PRRT1: variants seen among roughly 807,000 people sequenced by gnomAD.
The protein encoded by PRRT1 is proline rich transmembrane protein 1.
In PRRT1, 8 loss-of-function variants were observed where a neutral mutation model predicts 22.6. That is an observed-to-expected ratio of 0.35 (90% confidence interval 0.21 to 0.64). The LOEUF is 0.64. Ranked by LOEUF, PRRT1 falls within the 30% of genes least tolerant of loss-of-function variation. The pLI is 0.69. For synonymous variants in PRRT1, 176 were observed against 203.6 expected, an observed-to-expected ratio of 0.86 and a Z score of 1.15; for missense variants, 315 against 444.5, an observed-to-expected ratio of 0.71 and a Z score of 2.62.
upstream of PRRT1, among the ~76,000 whole-genome samples, chr6:32,152,355 C>T (rs1191426954): frequency 6.6e-6 from 1 of 152,120 alleles, no homozygotes; most frequent in Non-Finnish European, 1.5e-5. Context: ...AAATCCTTGG[C>T]CCCAGTTTCC....
chr6:32,151,110 T>A, intron 1 of PRRT1: 4 of 703,576 alleles, frequency 5.7e-6, no homozygotes. Context: ...CCTTCTTCCT[T>A]CCAATCTAGT....
In PRRT1 at chr6:32,150,961, TGAG is replaced by T; in HGVS notation, c.20-58_20-56del. ...GAGGAAAGATGACACAGTGATGAGTTGAGGAGGGGGTAAGGGGAAACACAGCCG... is the reference window on the plus strand; with the variant it reads ...GAGGAAAGATGACACAGTGATGAGTTGAGGGGGTAAGGGGAAACACAGCCG... On this transcript the variant is annotated intron_variant, in intron 1 of 3. Transcript: ENST00000211413. This position sits in a 1 kb window ranked among gnomAD's most constrained non-coding sequence, Gnocchi z 7.2. The T allele has an allele frequency of 1.4e-6, 2 of 1,412,084 alleles. No homozygotes were observed. Among genetic ancestry groups the T allele is most frequent in the Admixed American group, 2.0e-5 (1 of 50,740 alleles). 87.5% of individuals were successfully genotyped at this position (1,412,084 alleles called of 1,614,324 possible).
chr6:32,150,781 G>A lies in PRRT1; in HGVS notation c.145C>T (p.His49Tyr). 6.4e-7 allele frequency: 1 copy of A among 1,562,270 alleles called. No homozygotes were observed. Among genetic ancestry groups the A allele is most frequent in the Non-Finnish European group, 8.7e-7 (1 of 1,154,132 alleles). The change falls in exon 2 of 4, where the codon CAT becomes TAT. Residue 49 changes from histidine (H) to tyrosine (Y), a missense_variant. His to Tyr is a moderately conservative substitution (Grantham distance 83). Around this residue, in one of 4 missense-constraint regions of PRRT1, gnomAD observed 263 missense variants for 328.5 expected, o/e 0.80. Coordinates refer to ENST00000211413, the MANE Select transcript of PRRT1 (RefSeq NM_030651.4). This position sits in a 1 kb window ranked among gnomAD's most constrained non-coding sequence, Gnocchi z 7.2. ...SSHHHHHHHY[H>Y]QSGTATLPRL... is the part of the protein sequence containing the mutation. ...GGGAGGGTGGCGGTGCCAGACTGAT[G>A]GTAGTGGTGGTGGTGGTGATGGTGT... is the stretch of plus-strand genomic sequence containing the variant.
At position 32,150,286 on chromosome 6, in the gene PRRT1, T is replaced by A. The variant is rs185316318; in HGVS notation, c.558+82A>T. Reference sequence around the variant, plus strand: ...GTTCCCTGCCCTTGTTCCTCTATCCTACCAGCCCCCAGCGTATCCCCAATT... The same window carrying A: ...GTTCCCTGCCCTTGTTCCTCTATCCAACCAGCCCCCAGCGTATCCCCAATT... On this transcript the variant is annotated intron_variant, in intron 2 of 3. Transcript: ENST00000211413. This position sits in a 1 kb window ranked among gnomAD's most constrained non-coding sequence, Gnocchi z 7.2. 2.0e-4 allele frequency: 298 copies of A among 1,480,302 alleles called. 3 individuals carry two copies. In the Admixed American group the frequency reaches 7.7e-3, roughly 38 times the overall value. The allele number at this position is 1,480,302 out of a possible 1,614,324, so 91.7% of individuals were successfully genotyped here. A position where few individuals can be genotyped will look rare whatever the true frequency, so the allele number is the denominator to read the frequency against.
At position 32,150,729 on chromosome 6, in the gene PRRT1, G is replaced by A. The variant is rs1011889307; in HGVS notation, c.197C>T (p.Ser66Phe). 1 of 1,492,698 alleles carries A rather than the reference G, an allele frequency of 6.7e-7. No homozygotes were observed. Among genetic ancestry groups the A allele is most frequent in the African/African-American group, 1.4e-5 (1 of 72,122 alleles). The allele number at this position is 1,492,698 out of a possible 1,614,324, so 92.5% of individuals were successfully genotyped here. The change falls in exon 2 of 4, where the codon TCT (serine) becomes TTT (phenylalanine). Residue 66 changes from serine (S) to phenylalanine (F), a missense_variant. By Grantham distance (155) the Ser-to-Phe change is radical. This residue lies in a region of PRRT1 where 263 missense variants were observed against 328.5 expected (regional missense o/e 0.80). Coordinates refer to ENST00000211413, the MANE Select transcript of PRRT1 (RefSeq NM_030651.4). This position sits in a 1 kb window ranked among gnomAD's most constrained non-coding sequence, Gnocchi z 7.2. ...LPRLGAGGLA[S>F]SAATAQRGPS... is the part of the protein sequence containing the mutation. ...ACCGCGCTGAGCGGTGGCCGCGGAA[G>A]AGGCCAGGCCCCCTGCCCCTAAGCG...
upstream of PRRT1, chr6:32,151,950 G>A: frequency 3.2e-6 from 1 of 316,384 alleles, no homozygotes; most frequent in Non-Finnish European, 5.9e-6. Context: ...GAAGGCAGCG[G>A]CGGGGGGGGG....
In PRRT1 at chr6:32,150,696, G is replaced by T. The variant is rs1034908375; in HGVS notation, c.230C>A (p.Ser77Tyr). 8 of 1,447,918 alleles carry T rather than the reference G, an allele frequency of 5.5e-6. No homozygotes were observed. Among genetic ancestry groups the T allele is most frequent in the Non-Finnish European group, 7.2e-6 (8 of 1,104,214 alleles). 89.7% of individuals were successfully genotyped at this position (1,447,918 alleles called of 1,614,324 possible). Residue 77 changes from serine (S) to tyrosine (Y), a missense_variant, in exon 2 of 4, where the codon TCC (serine) becomes TAC (tyrosine). Physicochemically the swap from Ser to Tyr is moderately radical, Grantham distance 144. This residue lies in a region of PRRT1 where 263 missense variants were observed against 328.5 expected (regional missense o/e 0.80). Transcript: ENST00000211413. This position sits in a 1 kb window ranked among gnomAD's most constrained non-coding sequence, Gnocchi z 7.2. ...SAATAQRGPS[S>Y]SATLPRPPHH... ...GGGGGGCCTCGGCAGCGTGGCAGAG[G>T]AGGAGGGACCGCGCTGAGCGGTGGC...
upstream of PRRT1, chr6:32,151,979 G>GGGGGGGGGGGGGGGGGGGGGGGGT: frequency 4.1e-6 from 1 of 244,376 alleles, no homozygotes; most frequent in South Asian, 2.8e-5. Flanking sequence ...GGGGCGGGCG[G>GGGGGGGGGGGGGGGGGGGGGGGGT]AGGGAGAGCG....
At position 32,149,829 on chromosome 6, in the gene PRRT1, G is replaced by A; in HGVS notation, c.559-107C>T. 4 of 687,224 alleles carry A rather than the reference G, an allele frequency of 5.8e-6. No homozygotes were observed. Among genetic ancestry groups the A allele is most frequent in the Non-Finnish European group, 9.6e-6 (4 of 417,888 alleles). 42.6% of individuals were successfully genotyped at this position (687,224 alleles called of 1,614,324 possible). A position where few individuals can be genotyped will look rare whatever the true frequency, so the allele number is the denominator to read the frequency against. ...TTTAAAAGCACAATTTTTACCTATG[G>A]CTTCTCAAAATAAAGCACCCATTAC... On this transcript the variant is annotated intron_variant, in intron 2 of 3. Coordinates refer to ENST00000211413, the MANE Select transcript of PRRT1 (RefSeq NM_030651.4). This position sits in a 1 kb window ranked among gnomAD's most constrained non-coding sequence, Gnocchi z 8.7.
At position 32,149,088 on chromosome 6, in the gene PRRT1, G is replaced by T; in HGVS notation, c.*134C>A. 1.0e-6 allele frequency: 1 copy of T among 959,482 alleles called. No homozygotes were observed. The allele number at this position is 959,482 out of a possible 1,614,324, so 59.4% of individuals were successfully genotyped here. ...TCGCAAGGCGAGACGTTCCGTGGAG[G>T]CGGAGTTTACGATGTATCCAAGTCT... On this transcript the variant is annotated 3_prime_UTR_variant, in exon 4 of 4. Coordinates refer to ENST00000211413, the MANE Select transcript of PRRT1 (RefSeq NM_030651.4). This position sits in a 1 kb window ranked among gnomAD's most constrained non-coding sequence, Gnocchi z 8.7.
chr6:32,152,152 C>G (rs1351863455), upstream of PRRT1: 3 of 675,070 alleles, frequency 4.4e-6, no homozygotes, highest in Non-Finnish European at 8.3e-6. Context: ...AACACGGAGG[C>G]TAGACCAGGC....
Position 32,149,217 on chromosome 6 carries a change from C to A in PRRT1, c.*5G>T, listed in dbSNP as rs747452454. The A allele has an allele frequency of 6.2e-7, 1 of 1,611,134 alleles. No homozygotes were observed. The highest frequency in any genetic ancestry group is 1.1e-5 in the South Asian group (1 of 90,308). ...GCGCAGAGTGGGGCCGGACCAGGGG[C>A]GTTTTTAGGGATCCCAGTAGTTCTC... On this transcript the variant is annotated 3_prime_UTR_variant, in exon 4 of 4. Coordinates refer to ENST00000211413, the MANE Select transcript of PRRT1 (RefSeq NM_030651.4). This position sits in a 1 kb window ranked among gnomAD's most constrained non-coding sequence, Gnocchi z 8.7.
Position 32,151,581 on chromosome 6 carries a change from C to T in PRRT1, c.19+228G>A, listed in dbSNP as rs1189293950. 6 of 588,484 alleles carry T rather than the reference C, an allele frequency of 1.0e-5. No individual in the cohort carries two copies. In the East Asian group the frequency reaches 1.7e-4, roughly 17 times the overall value. The allele number at this position is 588,484 out of a possible 1,614,324, so 36.5% of individuals were successfully genotyped here. On this transcript the variant is annotated intron_variant, in intron 1 of 3. Coordinates refer to ENST00000211413, the MANE Select transcript of PRRT1 (RefSeq NM_030651.4). ...TACCTCCTTCACCCTCTCAACCTAC[C>T]CCCCTGACCATGTTGTTGGCAAGGG...
chr6:32,152,104 C>T (rs1044948087), upstream of PRRT1: 18 of 700,694 alleles, frequency 2.6e-5, no homozygotes, highest in Admixed American at 1.6e-4. Context: ...CCCCGGCATT[C>T]AAGCCCCCAG....
At position 32,150,445 on chromosome 6, in the gene PRRT1, C is replaced by G; in HGVS notation, c.481G>C (p.Gly161Arg). 1 of 1,523,006 alleles carries G rather than the reference C, an allele frequency of 6.6e-7. No individual in the cohort carries two copies. Among genetic ancestry groups the G allele is most frequent in the African/African-American group, 1.5e-5 (1 of 68,816 alleles). 94.3% of individuals were successfully genotyped at this position (1,523,006 alleles called of 1,614,324 possible). Residue 161 changes from glycine to arginine, a missense_variant, in exon 2 of 4, where the codon GGG becomes CGG. By Grantham distance (125) the Gly-to-Arg change is moderately radical. This residue lies in a region of PRRT1 where 263 missense variants were observed against 328.5 expected (regional missense o/e 0.80). Transcript: ENST00000211413. The surrounding 1 kb of genome is among the most constrained non-coding windows in gnomAD (Gnocchi z 7.2). The part of the protein sequence containing the change: ...HAGTVGTLPL[G>R]GYVAPGYPLQ... ...GGGTATCCGGGCGCTACGTAGCCCC[C>G]CAGCGGCAGCGTGCCCACAGTCCCC...
upstream of PRRT1, chr6:32,151,996 G>GGGGGGGGGGT: frequency 2.6e-6 from 1 of 382,500 alleles, no homozygotes; most frequent in Non-Finnish European, 5.2e-6. Flanking sequence ...AGCGGGGAGG[G>GGGGGGGGGGT]GGGGAGCTTA....
Position 32,150,304 on chromosome 6 carries a change from C to A in PRRT1, c.558+64G>T, listed in dbSNP as rs1783187248. 2 of 1,521,410 alleles carry A rather than the reference C, an allele frequency of 1.3e-6. No individual in the cohort carries two copies. The highest frequency in any genetic ancestry group is 2.6e-5 in the South Asian group (2 of 78,150). 94.2% of individuals were successfully genotyped at this position (1,521,410 alleles called of 1,614,324 possible). A position where few individuals can be genotyped will look rare whatever the true frequency, so the allele number is the denominator to read the frequency against. ...TCTATCCTACCAGCCCCCAGCGTAT[C>A]CCCAATTTCAAGTCCTGTATCGCGT... On this transcript the variant is annotated intron_variant, in intron 2 of 3. Transcript: ENST00000211413. This position sits in a 1 kb window ranked among gnomAD's most constrained non-coding sequence, Gnocchi z 7.2.
chr6:32,151,198 T>A, intron 1 of PRRT1: 1 of 650,980 alleles, frequency 1.5e-6, no homozygotes, highest in Non-Finnish European at 2.8e-6. Flanking sequence ...GCAGACCTAA[T>A]CCCCTCTCCT....
At chr6:32,152,164 AGGCG>A (rs1783360780), upstream of PRRT1, 1 of 662,360 alleles carries the variant, frequency 1.5e-6, no homozygotes, top group South Asian at 1.5e-5. Flanking sequence ...AGACCAGGCG[AGGCG>A]GGTGGGACTA....
Sources: allele counts gnomAD v4.1 joint callset (sites outside exome capture counted in the v4.1 genomes callset), GRCh38; gene constraint gnomAD v4.1.1; regional missense constraint gnomAD v4.1.1; non-coding constraint Gnocchi (gnomAD v3.1); transcripts MANE v1.5; gene names NCBI Gene and HGNC (gene_info 2026-07-23, HGNC 2026-07-21).